The following MEF2D variants were observed in gnomAD, a reference collection of about 807,000 sequenced individuals.
MEF2D encodes myocyte-specific enhancer factor 2D.
A neutral mutation model predicts 59.3 loss-of-function variants in MEF2D; 10 were observed. That is an observed-to-expected ratio of 0.17 (90% confidence interval 0.10 to 0.29). The LOEUF is 0.29. MEF2D is among the 10% of genes least tolerant of loss of function. MEF2D has a pLI of 1.00. For missense variants in MEF2D, 508 were observed against 699.4 expected (o/e 0.73, Z 3.09); for synonymous variants, 305 against 295.0 (o/e 1.03, Z -0.35).
chr1:156,497,257 C>A (rs1003613151), intron 1 of MEF2D, among the ~76,000 whole-genome samples: 11 of 152,292 alleles, frequency 7.2e-5, no homozygotes, highest in Non-Finnish European at 1.5e-4. Flanking sequence ...AGACAGTTGG[C>A]CGGACTCCGG....
chr1:156,484,227 T>C (rs899085112), intron 1 of MEF2D: 1 of 152,244 alleles, frequency 6.6e-6, no homozygotes, highest in African/African-American at 2.4e-5. Context: ...AAGATTTTTG[T>C]TTGAGGAAAG....
At chr1:156,469,711 G>C (rs1671106577) in intron 9 of MEF2D, among the ~76,000 whole-genome samples, 1 of 151,924 alleles carries the variant, frequency 6.6e-6, no homozygotes, top group Non-Finnish European at 1.5e-5. Flanking sequence ...AACATAAGGA[G>C]ACTCCATCTC....
chr1:156,472,765 A>G (rs1268928032), intron 9 of MEF2D, among the ~76,000 whole-genome samples: 1 of 150,976 alleles, frequency 6.6e-6, no homozygotes, highest in East Asian at 2.0e-4. Flanking sequence ...GCTGGAGTGC[A>G]GTGGCGTGAT....
chr1:156,482,703 G>A, intron 2 of MEF2D, 63 bp from the exon 3 acceptor site: 2 of 1,481,990 alleles, frequency 1.3e-6, no homozygotes, highest in Non-Finnish European at 1.9e-6. Flanking sequence ...GGGAGTCCCA[G>A]CCTACAGATG....
chr1:156,494,556 A>C (rs1387758895), intron 1 of MEF2D, among the ~76,000 whole-genome samples: 1 of 152,028 alleles, frequency 6.6e-6, no homozygotes, highest in Non-Finnish European at 1.5e-5. Flanking sequence ...AGGAACCCTC[A>C]AGGCCTCCTC....
At chr1:156,475,659 C>T (rs915083732) in intron 8 of MEF2D, among the ~76,000 whole-genome samples, 2 of 152,194 alleles carry the variant, frequency 1.3e-5, no homozygotes, top group African/African-American at 2.4e-5. Flanking sequence ...CCTGGCGTGG[C>T]GTGTGCCTGC....
At chr1:156,479,261 C>T (rs768276011) in intron 6 of MEF2D, 29 bp downstream of exon 6, 2 of 1,591,924 alleles carry the variant, frequency 1.3e-6, no homozygotes, top group African/African-American at 2.7e-5. Flanking sequence ...CCCCTCCCCA[C>T]CTCCAGGTAG....
intron 9 of MEF2D, among the ~76,000 whole-genome samples, chr1:156,470,684 G>C (rs547405228): frequency 6.6e-6 from 1 of 152,298 alleles, no homozygotes; most frequent in East Asian, 1.9e-4. Context: ...GTGACCTTGG[G>C]TAAGTTACTT....
intron 1 of MEF2D, among the ~76,000 whole-genome samples, chr1:156,484,606 C>A (rs547192012): frequency 6.6e-6 from 1 of 152,312 alleles, no homozygotes; most frequent in South Asian, 2.1e-4. Context: ...ATGACATACA[C>A]TGGGGAGGCC....
chr1:156,470,016 G>C (rs542976614), intron 9 of MEF2D, among the ~76,000 whole-genome samples: 71 of 152,376 alleles, frequency 4.7e-4, no homozygotes, highest in African/African-American at 1.7e-3. Context: ...TACCATGCCG[G>C]GAGCACAGCT....
intron 6 of MEF2D, 35 bp from the exon 7 acceptor site, chr1:156,477,237 A>G: frequency 6.5e-7 from 1 of 1,544,102 alleles, no homozygotes; most frequent in Non-Finnish European, 8.8e-7. Flanking sequence ...AAAAGGAAAA[A>G]CATGGGCCTA....
intron 9 of MEF2D, among the ~76,000 whole-genome samples, chr1:156,469,602 A>AAC (rs1553210298): frequency 8.7e-6 from 1 of 114,638 alleles, no homozygotes; most frequent in Non-Finnish European, 2.1e-5. Context: ...AAAAAAAAAA[A>AAC]AAAACAGCTG....
At chr1:156,469,501 G>A (rs183887320) in intron 9 of MEF2D, among the ~76,000 whole-genome samples, 11 of 150,678 alleles carry the variant, frequency 7.3e-5, no homozygotes, top group Admixed American at 2.0e-4. Flanking sequence ...CAAGTGATTC[G>A]CCCACCTCGG....
At chr1:156,497,862 A>G (rs1045150635) in intron 1 of MEF2D, among the ~76,000 whole-genome samples, 2 of 152,002 alleles carry the variant, frequency 1.3e-5, no homozygotes, top group African/African-American at 4.8e-5. Flanking sequence ...GGAGAGGTCC[A>G]GGCCTCTCTG....
At chr1:156,494,293 A>G (rs922803622) in intron 1 of MEF2D, among the ~76,000 whole-genome samples, 1 of 151,938 alleles carries the variant, frequency 6.6e-6, no homozygotes, top group African/African-American at 2.4e-5. Flanking sequence ...GTGCATTTCT[A>G]CTTGAAACTC....
chr1:156,468,971 T>G lies in MEF2D; in HGVS notation c.1056A>C (p.Ser352=), dbSNP rs1231579531. ...CATTGCCTAGCGACAGCCCCCCAGG[T>G]GAACTAAAGGCTGGTAAGGAGGAGA... ...AELSSLPAFS[S]PGGLSLGNVT... Residue 352 remains serine, a synonymous_variant, in exon 10 of 12, where the codon TCA becomes TCC. Coordinates refer to ENST00000348159, the MANE Select transcript of MEF2D (RefSeq NM_005920.4). This position sits in a 1 kb window ranked among gnomAD's most constrained non-coding sequence, Gnocchi z 4.3. 1.2e-6 allele frequency: 2 copies of G among 1,613,110 alleles called. No individual in the cohort carries two copies. The highest frequency in any genetic ancestry group is 2.7e-5 in the African/African-American group (2 of 74,832).
Position 156,484,647 on chromosome 1 carries a change from C to T in MEF2D, c.-138-1217G>A, listed in dbSNP as rs565434290. On this transcript the variant is annotated intron_variant, in intron 1 of 11. Coordinates refer to ENST00000348159, the MANE Select transcript of MEF2D (RefSeq NM_005920.4). Reference sequence around the variant, plus strand: ...CAGCCAGGCGGATGCAGGCACCAGGCAGAGAACCTGCTGTCTCAGGACACC... The same window carrying T: ...CAGCCAGGCGGATGCAGGCACCAGGTAGAGAACCTGCTGTCTCAGGACACC... 8.5e-5 allele frequency among the ~76,000 whole-genome samples: 13 copies of T among 152,336 alleles called. No individual in the cohort carries two copies. In the East Asian group the frequency reaches 2.5e-3, roughly 29 times the overall value.
At chr1:156,494,130 G>C (rs1473353882) in intron 1 of MEF2D, among the ~76,000 whole-genome samples, 1 of 152,054 alleles carries the variant, frequency 6.6e-6, no homozygotes, top group African/African-American at 2.4e-5. Context: ...CTCACCAAAA[G>C]CACAATACAC....
At chr1:156,481,133 G>A (rs189843564) in intron 3 of MEF2D, among the ~76,000 whole-genome samples, 162 bp from the exon 4 acceptor site, 67 of 152,300 alleles carry the variant, frequency 4.4e-4, no homozygotes, top group African/African-American at 1.4e-3. Context: ...TGCCTCCTGG[G>A]GCATCGTGTG....
Sources: gnomAD v4.1 joint callset for allele counts (sites outside exome capture counted in the v4.1 genomes callset) on GRCh38, gnomAD v4.1.1 for gene constraint, Gnocchi (gnomAD v3.1) non-coding constraint, MANE v1.5 for transcripts, NCBI Gene and HGNC (gene_info 2026-07-23, HGNC 2026-07-21) for gene names.